The following EIF4G3 variants were observed in gnomAD, a reference collection of about 807,000 sequenced individuals.
EIF4G3 encodes eukaryotic translation initiation factor 4 gamma 3.
Under a neutral mutation model 186.4 loss-of-function variants are expected in EIF4G3, and 34 were observed. The ratio of observed to expected loss-of-function variants is 0.18; its 90% CI spans 0.14 to 0.24. The LOEUF (loss-of-function observed/expected upper bound fraction) is 0.24. Among genes scored for constraint, EIF4G3 ranks in the 10% least tolerant of loss-of-function variants. The pLI is 1.00. For missense variants in EIF4G3, 1,536 were observed against 1,948.5 expected, an observed-to-expected ratio of 0.79 and a Z score of 3.99; for synonymous variants, 673 against 679.5, an observed-to-expected ratio of 0.99 and a Z score of 0.15.
intron 10 of EIF4G3, among the ~76,000 whole-genome samples, chr1:20,974,644 A>C (rs1006662305): frequency 6.6e-6 from 1 of 152,208 alleles, no homozygotes; most frequent in African/African-American, 2.4e-5. Flanking sequence ...AGAAAAATTG[A>C]GCTATAGCTG....
chr1:21,091,572 C>G (rs1413570784), intron 2 of EIF4G3, among the ~76,000 whole-genome samples: 1 of 152,070 alleles, frequency 6.6e-6, no homozygotes, highest in East Asian at 1.9e-4. Context: ...GAGACCCTGC[C>G]TCTATTAAAA....
chr1:20,968,041 T>C (rs1006817155), intron 12 of EIF4G3, among the ~76,000 whole-genome samples: 1 of 152,208 alleles, frequency 6.6e-6, no homozygotes, highest in Non-Finnish European at 1.5e-5. Flanking sequence ...GCCTCCCAAA[T>C]AGCTGGGACT....
At chr1:20,842,844 G>GTTT (rs58817719) in intron 29 of EIF4G3, among the ~76,000 whole-genome samples, 1 of 138,506 alleles carries the variant, frequency 7.2e-6, no homozygotes, top group Non-Finnish European at 1.6e-5. Flanking sequence ...GGGTCTTTTA[G>GTTT]TTTTTTTTTT....
At chr1:20,999,493 T>A in intron 6 of EIF4G3, 1 of 319,850 alleles carries the variant, frequency 3.1e-6, no homozygotes, top group Non-Finnish European at 6.2e-6. Flanking sequence ...TGGCAGTACC[T>A]GTCTTATCAC....
chr1:20,990,183 CAAAT>C (rs1013132871), intron 7 of EIF4G3, among the ~76,000 whole-genome samples: 1 of 149,826 alleles, frequency 6.7e-6, no homozygotes, highest in African/African-American at 2.5e-5. Context: ...CAAAAACAAA[CAAAT>C]AAATTAAAAA....
At chr1:21,169,230 C>T (rs1183229852) in intron 2 of EIF4G3, among the ~76,000 whole-genome samples, 1 of 151,704 alleles carries the variant, frequency 6.6e-6, no homozygotes, top group African/African-American at 2.4e-5. Context: ...GTGGGCAGAT[C>T]ACCTGAAGTC....
At chr1:20,954,535 A>G (rs2096343353) in intron 12 of EIF4G3, among the ~76,000 whole-genome samples, 1 of 45,112 alleles carries the variant, frequency 2.2e-5, no homozygotes, top group East Asian at 7.2e-4. Flanking sequence ...ACCCCGTCTC[A>G]AAAAAAAAAA....
At chr1:21,149,387 T>C (rs1558191113) in intron 2 of EIF4G3, among the ~76,000 whole-genome samples, 2 of 152,176 alleles carry the variant, frequency 1.3e-5, no homozygotes, top group Non-Finnish European at 2.9e-5. Context: ...ATGGCTTTTC[T>C]AGAGAAGGGG....
chr1:20,817,938 A>T (rs2061467995), intron 33 of EIF4G3, among the ~76,000 whole-genome samples: 1 of 152,132 alleles, frequency 6.6e-6, no homozygotes, highest in Non-Finnish European at 1.5e-5. Context: ...GGCCTCCCAA[A>T]GACGGGATTA....
chr1:20,998,381 A>G (rs2082763103), intron 6 of EIF4G3, among the ~76,000 whole-genome samples: 1 of 152,270 alleles, frequency 6.6e-6, no homozygotes, highest in Admixed American at 6.5e-5. Flanking sequence ...AAGAAAAAAG[A>G]GTAAATAAGT....
At chr1:21,053,005 C>T (rs1394472393) in intron 3 of EIF4G3, among the ~76,000 whole-genome samples, 157 of 151,740 alleles carry the variant, frequency 1.0e-3, no homozygotes, top group African/African-American at 3.5e-3. Flanking sequence ...GCCGCCACCC[C>T]GTCTGGGAAG....
At chr1:20,825,249 C>CAAAAAAAA in intron 32 of EIF4G3, 51 bp from the exon 33 acceptor site, 1 of 213,756 alleles carries the variant, frequency 4.7e-6, no homozygotes, top group Non-Finnish European at 7.4e-6. Flanking sequence ...GAAGAAGAAA[C>CAAAAAAAA]AGAAAAAAAA....
chr1:20,947,748 T>C (rs1274332919), intron 13 of EIF4G3, among the ~76,000 whole-genome samples: 1 of 152,106 alleles, frequency 6.6e-6, no homozygotes, highest in Non-Finnish European at 1.5e-5. Flanking sequence ...ATACTACAAG[T>C]TTTTCTTTTC....
chr1:20,822,191 A>T (rs1243492418), intron 33 of EIF4G3, among the ~76,000 whole-genome samples: 2 of 152,092 alleles, frequency 1.3e-5, no homozygotes, highest in Non-Finnish European at 2.9e-5. Context: ...ATTTATTGAC[A>T]TAAAGATTAT....
At chr1:20,982,064 T>C (rs1275122860) in intron 8 of EIF4G3, among the ~76,000 whole-genome samples, 1 of 152,186 alleles carries the variant, frequency 6.6e-6, no homozygotes, top group Non-Finnish European at 1.5e-5. Flanking sequence ...TCTGTAGGGT[T>C]GTCACATGCT....
chr1:21,037,780 A>G (rs990446977), intron 4 of EIF4G3, among the ~76,000 whole-genome samples: 1 of 152,206 alleles, frequency 6.6e-6, no homozygotes, highest in South Asian at 2.1e-4. Context: ...AACCATCCTC[A>G]GCAAACAAAG....
chr1:21,000,337 G>A (rs1046466142), intron 6 of EIF4G3, among the ~76,000 whole-genome samples: 2 of 152,082 alleles, frequency 1.3e-5, no homozygotes. Context: ...GGATTGCAAA[G>A]GCAGCTGTCC....
intron 2 of EIF4G3, among the ~76,000 whole-genome samples, chr1:21,117,399 T>C (rs2096844310): frequency 6.6e-6 from 1 of 152,026 alleles, no homozygotes; most frequent in Non-Finnish European, 1.5e-5. Flanking sequence ...CAAAGAGTAA[T>C]TTCAACAAAA....
intron 18 of EIF4G3, chr1:20,892,564 GA>G: frequency 8.2e-7 from 1 of 1,226,932 alleles, no homozygotes; most frequent in Non-Finnish European, 1.2e-6. Flanking sequence ...GAGCGTAACA[GA>G]AAATATTATA....
Sources: gnomAD v4.1 joint callset for allele counts (sites outside exome capture counted in the v4.1 genomes callset) on GRCh38, gnomAD v4.1.1 for gene constraint, MANE v1.5 for transcripts, NCBI Gene and HGNC (gene_info 2026-07-23, HGNC 2026-07-21) for gene names.